Variants in ANKRD26 observed in about 807,000 individuals in gnomAD.
ANKRD26 encodes ankyrin repeat domain 26.
Under a neutral mutation model 208.7 loss-of-function variants are expected in ANKRD26, and 141 were observed. That is an observed-to-expected ratio of 0.68 (90% CI 0.59 to 0.78). The LOEUF (loss-of-function observed/expected upper bound fraction) is 0.78. ANKRD26 is among the 30% of genes least tolerant of loss of function. The probability of loss-of-function intolerance (pLI) is 0.00; values close to 1 mark genes in which losing one functional copy is unlikely to be tolerated. For missense variants in ANKRD26, 1,889 were observed against 1,938.7 expected, an observed-to-expected ratio of 0.97 and a Z score of 0.48; for synonymous variants, 636 against 660.4, an observed-to-expected ratio of 0.96 and a Z score of 0.57.
At chr10:27,012,124 G>A (rs911673750) in intron 32 of ANKRD26, among the ~76,000 whole-genome samples, 1 of 152,188 alleles carries the variant, frequency 6.6e-6, no homozygotes, top group East Asian at 1.9e-4. Context: ...GTGTTTGGAT[G>A]CCAATCATTC....
intron 25 of ANKRD26, 147 bp from the exon 26 acceptor site, chr10:27,029,503 T>C: frequency 2.5e-6 from 2 of 787,246 alleles, no homozygotes; most frequent in South Asian, 3.0e-5. Flanking sequence ...GCTGTGACTG[T>C]AGAGCTGATC....
chr10:27,077,259 T>C (rs975176741), intron 9 of ANKRD26, 79 bp downstream of exon 9: 3 of 1,217,702 alleles, frequency 2.5e-6, no homozygotes, highest in Non-Finnish European at 3.6e-6. Flanking sequence ...TGTATGATCA[T>C]CTCAATAGAT....
Position 27,035,092 on chromosome 10 carries a change from C to G in ANKRD26, c.3358G>C (p.Val1120Leu). 1 of 1,612,888 alleles carries G rather than the reference C, an allele frequency of 6.2e-7. No individual in the cohort carries two copies. Among genetic ancestry groups the G allele is most frequent in the South Asian group, 1.1e-5 (1 of 90,898 alleles). ...EMEQKYQNEQ[V>L]KVNKYIGKQE... ...TTTCCAATGTATTTATTCACTTTAA[C>G]TTGTTCATTTTGATACTTTTGTTCC... Residue 1120 changes from valine to leucine, a missense_variant, in exon 24 of 34, where the codon GTT becomes CTT. Physicochemically the swap from Val to Leu is conservative, Grantham distance 32. This residue lies in a region of ANKRD26 where 613 missense variants were observed against 648.2 expected (regional missense o/e 0.95). Transcript: ENST00000376087.
At chr10:27,010,564 T>C (rs1361969205) in intron 32 of ANKRD26, among the ~76,000 whole-genome samples, 1 of 152,166 alleles carries the variant, frequency 6.6e-6, no homozygotes, top group East Asian at 1.9e-4. Context: ...AGCACGATCA[T>C]AGCTCACTGT....
intron 12 of ANKRD26, among the ~76,000 whole-genome samples, chr10:27,062,461 T>C (rs1413098866): frequency 6.6e-6 from 1 of 152,228 alleles, no homozygotes; most frequent in Non-Finnish European, 1.5e-5. Context: ...ACCCCAGGCC[T>C]GCTCAATCAA....
At chr10:27,006,484 G>C (rs939696300) in intron 33 of ANKRD26, among the ~76,000 whole-genome samples, 7 of 152,210 alleles carry the variant, frequency 4.6e-5, no homozygotes, top group African/African-American at 1.7e-4. Flanking sequence ...CACCTGTCAA[G>C]CAACTGCTTA....
At chr10:27,040,251 C>CA in intron 20 of ANKRD26, 73 bp from the exon 21 acceptor site, 2 of 1,108,042 alleles carry the variant, frequency 1.8e-6, no homozygotes, top group Non-Finnish European at 2.7e-6. Context: ...CTATAACATT[C>CA]ACTCATTAAG....
chr10:27,014,249 G>A (rs930508947), intron 31 of ANKRD26, among the ~76,000 whole-genome samples: 1 of 150,334 alleles, frequency 6.7e-6, no homozygotes, highest in Non-Finnish European at 1.5e-5. Context: ...GAAAGACATA[G>A]ATCCAGTTAA....
chr10:27,051,789 G>A, intron 16 of ANKRD26: 1 of 985,324 alleles, frequency 1.0e-6, no homozygotes, highest in Non-Finnish European at 1.2e-6. Context: ...TGTCAAAGAA[G>A]AAGGTATTTC....
At chr10:27,004,114 C>A (rs532736583), downstream of ANKRD26, 3 of 152,054 alleles carry the variant, frequency 2.0e-5, no homozygotes, top group Non-Finnish European at 4.4e-5. Context: ...CTGCAACCTA[C>A]AAACAGTTTA....
At chr10:27,024,024 A>C (rs2053580610) in intron 28 of ANKRD26, among the ~76,000 whole-genome samples, 1 of 151,996 alleles carries the variant, frequency 6.6e-6, no homozygotes, top group African/African-American at 2.4e-5. Context: ...GCAGAAAGAA[A>C]GCATAAGCTA....
intron 29 of ANKRD26, among the ~76,000 whole-genome samples, chr10:27,020,799 C>T (rs914580394): frequency 5.9e-5 from 9 of 152,164 alleles, no homozygotes; most frequent in African/African-American, 2.2e-4. Flanking sequence ...GCTGGGACTA[C>T]AGGCGTGTGC....
intron 5 of ANKRD26, among the ~76,000 whole-genome samples, chr10:26,979,206 G>A (rs565399188): frequency 1.3e-5 from 2 of 152,236 alleles, no homozygotes; most frequent in South Asian, 4.2e-4. Context: ...GCGACAGAGC[G>A]AGACTCCATC....
intron 25 of ANKRD26, 103 bp from the exon 26 acceptor site, chr10:27,029,459 C>T (rs1195406032): frequency 1.9e-6 from 2 of 1,029,388 alleles, no homozygotes; most frequent in Non-Finnish European, 2.9e-6. Context: ...AGTCATACCC[C>T]TTCAATATGC....
intron 15 of ANKRD26, among the ~76,000 whole-genome samples, chr10:27,057,686 C>A (rs376381109): frequency 1.9e-3 from 284 of 152,266 alleles, no homozygotes; most frequent in African/African-American, 6.4e-3. Context: ...CACCTGTAAT[C>A]CCAGCACTTT....
intron 5 of ANKRD26, among the ~76,000 whole-genome samples, chr10:27,085,722 T>A (rs1453541396): frequency 5.9e-5 from 9 of 152,122 alleles, no homozygotes; most frequent in African/African-American, 2.2e-4. Flanking sequence ...TTGAACAATA[T>A]AGGTTTGAAC....
At chr10:27,032,054 T>C (rs1047572529) in intron 25 of ANKRD26, among the ~76,000 whole-genome samples, 4 of 152,142 alleles carry the variant, frequency 2.6e-5, no homozygotes, top group African/African-American at 9.7e-5. Flanking sequence ...TGGCTTGCCA[T>C]GACAATAGAA....
intron 15 of ANKRD26, among the ~76,000 whole-genome samples, chr10:27,055,855 C>T (rs1219881499): frequency 2.6e-5 from 4 of 151,080 alleles, no homozygotes; most frequent in African/African-American, 9.8e-5. Flanking sequence ...TGTTACATTA[C>T]ATGTAGTTAT....
rs763135405 is a variant in ANKRD26, at chr10:27,017,583, G to A, written c.4425C>T (p.Val1475=). 9.3e-6 allele frequency: 15 copies of A among 1,613,542 alleles called. No homozygotes were observed. The highest frequency in any genetic ancestry group is 1.2e-5 in the Non-Finnish European group (14 of 1,179,810). Residue 1475 remains valine, a synonymous_variant, in exon 30 of 34, where the codon GTC becomes GTT. Coordinates refer to ENST00000376087, the MANE Select transcript of ANKRD26 (RefSeq NM_014915.3). ...CTTCAATCTCCTGTTTATACTGTTTGACTTGACCAAGTTCTACCATATTCC... is the reference window on the plus strand; with the variant it reads ...CTTCAATCTCCTGTTTATACTGTTTAACTTGACCAAGTTCTACCATATTCC... ...IERNMVELGQ[V]KQYKQEIEER...
Sources: gnomAD v4.1 joint callset for allele counts (sites outside exome capture counted in the v4.1 genomes callset) on GRCh38, gnomAD v4.1.1 for gene constraint, gnomAD v4.1.1 regional missense constraint, MANE v1.5 for transcripts, NCBI Gene and HGNC (gene_info 2026-07-23, HGNC 2026-07-21) for gene names.